The following C4orf51 variants were observed in gnomAD, a reference collection of about 807,000 sequenced individuals.
C4orf51 encodes uncharacterized protein C4orf51.
Under a neutral mutation model 25.2 loss-of-function variants are expected in C4orf51, and 25 were observed. The observed-to-expected ratio is 0.99, with a 90% confidence interval of 0.72 to 1.39. The LOEUF is 1.39. Among genes scored for constraint, C4orf51 ranks in the 40% most tolerant of loss-of-function variants. C4orf51 has a pLI of 0.00. For missense variants in C4orf51, 252 were observed against 239.6 expected (o/e 1.05, Z -0.34); for synonymous variants, 100 against 84.5 (o/e 1.18, Z -1.01).
At chr4:145,759,849 C>T (rs1314960933) in intron 1 of C4orf51, 2 of 152,116 alleles carry the variant, frequency 1.3e-5, no homozygotes, top group African/African-American at 4.8e-5. Flanking sequence ...TTCACCCATA[C>T]ATTTCTTTTT....
the C4orf51 span, among the ~76,000 whole-genome samples, chr4:145,780,059 C>T: frequency 6.6e-6 from 1 of 152,210 alleles, no homozygotes; most frequent in South Asian, 2.1e-4. Context: ...GGCATGGTGG[C>T]GGGTGCCTGT....
intron 2 of C4orf51, among the ~76,000 whole-genome samples, chr4:145,710,117 A>G (rs1374273759): frequency 6.6e-6 from 1 of 152,224 alleles, no homozygotes; most frequent in Non-Finnish European, 1.5e-5. Flanking sequence ...AGCAGAATGT[A>G]TTTGAGTCAT....
downstream of C4orf51, chr4:145,776,000 A>T: frequency 6.2e-7 from 1 of 1,612,896 alleles, no homozygotes; most frequent in Middle Eastern, 1.6e-4. Flanking sequence ...AATCGCTTTC[A>T]AAAAAGGAAG....
intron 2 of C4orf51, among the ~76,000 whole-genome samples, chr4:145,697,384 C>T (rs1730141397): frequency 1.3e-5 from 2 of 152,110 alleles, no homozygotes; most frequent in African/African-American, 4.8e-5. Flanking sequence ...AAGCGTAAGC[C>T]ACCATGCCTG....
chr4:145,770,307 TAAATAAATAAATAA>T (rs922266981), intron 1 of C4orf51, among the ~76,000 whole-genome samples: 1 of 43,548 alleles, frequency 2.3e-5, no homozygotes, highest in Non-Finnish European at 6.9e-5. Context: ...TTAAAATAAA[TAAATAAATAAATAA>T]ATAAATAAAT....
At chr4:145,727,893 G>GTA (rs1553966879) in intron 3 of C4orf51, among the ~76,000 whole-genome samples, 1 of 36,468 alleles carries the variant, frequency 2.7e-5, no homozygotes, top group Non-Finnish European at 4.8e-5. Context: ...CAAAAAAAAT[G>GTA]TGTATATATA....
chr4:145,683,838 T>G lies in C4orf51; in HGVS notation c.233+3402T>G, dbSNP rs556938415. ...CCTTAAATGACTTTGGGTATGGCAA[T>G]GGCAATGATATTTTAGATACAACAC... On this transcript the variant is annotated intron_variant, in intron 1 of 5. Coordinates refer to ENST00000438731, the MANE Select transcript of C4orf51 (RefSeq NM_001080531.3). 2.6e-5 allele frequency among the ~76,000 whole-genome samples: 4 copies of G among 152,308 alleles called. No individual in the cohort carries two copies. In the South Asian group the frequency reaches 8.3e-4, roughly 32 times the overall value.
chr4:145,765,843 G>C lies in C4orf51; in HGVS notation n.167-5145G>C. The C allele has an allele frequency of 8.4e-7, 1 of 1,197,578 alleles. No individual in the cohort carries two copies. The highest frequency in any genetic ancestry group is 1.6e-5 in the South Asian group (1 of 64,336). The allele number at this position is 1,197,578 out of a possible 1,614,324, so 74.2% of individuals were successfully genotyped here. The stretch of plus-strand genomic sequence containing the variant: ...GTCTCATGGATGCATCATCATTCTG[G>C]GGGCACAGGCTCATGTCCCCAGCTC... On this transcript the variant is annotated intron_variant and non_coding_transcript_variant, in intron 1 of 1. Transcript: ENST00000510096. The surrounding 1 kb of genome is among the most constrained non-coding windows in gnomAD (Gnocchi z 4.7).
In C4orf51 at chr4:145,763,538, T is replaced by C. The variant is rs1343904114; in HGVS notation, n.167-7450T>C. Reference sequence around the variant, plus strand: ...CCAGCAAAAGCATCAGAATTCACTGTGCATTCTCCCCAATGGCTTCAGAGG... The same window carrying C: ...CCAGCAAAAGCATCAGAATTCACTGCGCATTCTCCCCAATGGCTTCAGAGG... On this transcript the variant is annotated intron_variant and non_coding_transcript_variant, in intron 1 of 1. Coordinates refer to the C4orf51 transcript ENST00000510096. This position sits in a 1 kb window ranked among gnomAD's most constrained non-coding sequence, Gnocchi z 4.6. Among the ~76,000 whole-genome samples the C allele has an allele frequency of 6.6e-6, 1 of 152,214 alleles. No individual in the cohort carries two copies. Among genetic ancestry groups the C allele is most frequent in the African/African-American group, 2.4e-5 (1 of 41,462 alleles).
chr4:145,790,975 T>C, the C4orf51 span, among the ~76,000 whole-genome samples: 1 of 152,230 alleles, frequency 6.6e-6, no homozygotes, highest in Non-Finnish European at 1.5e-5. Flanking sequence ...TCCTACCTAT[T>C]TGATTAGGCA....
At chr4:145,692,372 A>G (rs1300837616) in intron 1 of C4orf51, among the ~76,000 whole-genome samples, 2 of 152,192 alleles carry the variant, frequency 1.3e-5, no homozygotes, top group African/African-American at 2.4e-5. Context: ...ACCAAACTAT[A>G]GTGTTTAGTG....
chr4:145,746,727 T>A (rs1213117646), intron 1 of C4orf51, among the ~76,000 whole-genome samples: 1 of 150,940 alleles, frequency 6.6e-6, no homozygotes, highest in Admixed American at 6.6e-5. Context: ...CACTTTAGAA[T>A]TTTTTTTTTC....
At chr4:145,722,716 C>T (rs1731807290) in intron 2 of C4orf51, among the ~76,000 whole-genome samples, 2 of 152,166 alleles carry the variant, frequency 1.3e-5, no homozygotes, top group South Asian at 4.1e-4. Flanking sequence ...GTGGGCTGTA[C>T]AGCAGGGGGT....
rs953006197 is a variant in C4orf51, at chr4:145,761,664, C to T, written n.167-9324C>T. ...GTTCGGAGGCAGCCGCGCTTCTCGC[C>T]GCCTCACCAGCCTTCCCTCACACCA... On this transcript the variant is annotated intron_variant and non_coding_transcript_variant, in intron 1 of 1. Coordinates refer to the C4orf51 transcript ENST00000510096. This position sits in a 1 kb window ranked among gnomAD's most constrained non-coding sequence, Gnocchi z 6.8. 6.9e-6 allele frequency: 7 copies of T among 1,020,934 alleles called. No homozygotes were observed. The Admixed American group carries it at 8.4e-5, about 12-fold the overall frequency. The allele number at this position is 1,020,934 out of a possible 1,614,324, so 63.2% of individuals were successfully genotyped here.
At chr4:145,767,588 A>T (rs1735498656) in intron 1 of C4orf51, among the ~76,000 whole-genome samples, 1 of 152,222 alleles carries the variant, frequency 6.6e-6, no homozygotes, top group Admixed American at 6.5e-5. Flanking sequence ...AATCAGTGCT[A>T]AAGAACAAAA....
At chr4:145,684,958 TA>T (rs955166792) in intron 1 of C4orf51, among the ~76,000 whole-genome samples, 2 of 152,066 alleles carry the variant, frequency 1.3e-5, no homozygotes, top group African/African-American at 4.8e-5. Context: ...GCTTATTAGG[TA>T]AAACTGAAAG....
chr4:145,704,655 A>G (rs1730682482), intron 2 of C4orf51, among the ~76,000 whole-genome samples: 2 of 152,110 alleles, frequency 1.3e-5, no homozygotes, highest in African/African-American at 2.4e-5. Flanking sequence ...ATTAGGACAA[A>G]TGTTTTTTCT....
chr4:145,680,303 T>A lies in C4orf51; in HGVS notation c.100T>A (p.Trp34Arg). The A allele has an allele frequency of 6.2e-7, 1 of 1,614,026 alleles. No homozygotes were observed. Among genetic ancestry groups the A allele is most frequent in the Non-Finnish European group, 8.5e-7 (1 of 1,179,886 alleles). ...DLIRRKAGASWQDETRWSDSS... is the reference protein window; with the variant it reads ...DLIRRKAGASRQDETRWSDSS... ...GATCAGACGCAAGGCTGGAGCATCT[T>A]GGCAGGATGAAACACGATGGTCAGA... Residue 34 changes from tryptophan to arginine, a missense_variant, in exon 1 of 6, where the codon TGG becomes AGG. Coordinates refer to ENST00000438731, the MANE Select transcript of C4orf51 (RefSeq NM_001080531.3).
chr4:145,684,578 C>A (rs1410469089), intron 1 of C4orf51, among the ~76,000 whole-genome samples: 1 of 152,122 alleles, frequency 6.6e-6, no homozygotes, highest in Non-Finnish European at 1.5e-5. Flanking sequence ...TCAAGGTGAA[C>A]CCCTAAGGTA....
Sources: allele counts gnomAD v4.1 joint callset (sites outside exome capture counted in the v4.1 genomes callset), GRCh38; gene constraint gnomAD v4.1.1; non-coding constraint Gnocchi (gnomAD v3.1); transcripts MANE v1.5; gene names NCBI Gene and HGNC (gene_info 2026-07-23, HGNC 2026-07-21).